The following DIP2B variants were observed in gnomAD, a reference collection of about 807,000 sequenced individuals.
The protein encoded by DIP2B is DIP2 acetate--CoA ligase B (putative).
A neutral mutation model predicts 198.0 loss-of-function variants in DIP2B; 76 were observed. The observed-to-expected ratio is 0.38, with a 90% CI of 0.32 to 0.46. DIP2B has a LOEUF of 0.46. Among genes scored for constraint, DIP2B ranks in the 20% least tolerant of loss-of-function variants. DIP2B has a pLI of 0.99. For synonymous variants in DIP2B, 701 were observed against 739.1 expected (o/e 0.95, Z 0.84); for missense variants, 1,559 against 1,978.4 (o/e 0.79, Z 4.02).
chr12:50,519,433 G>A (rs1055086399), intron 1 of DIP2B, among the ~76,000 whole-genome samples: 17 of 152,128 alleles, frequency 1.1e-4, no homozygotes, highest in African/African-American at 4.1e-4. Context: ...TGAAAAATAT[G>A]AAGTGCATCT....
At chr12:50,726,391 T>C (rs7308872) in intron 28 of DIP2B, among the ~76,000 whole-genome samples, 92,915 of 151,910 alleles carry the variant, frequency 0.61, 28,571 homozygotes, top group South Asian at 0.69. Context: ...CACTCTGTCA[T>C]CCAGGCTGGA....
chr12:50,628,928 G>T (rs1476200713), intron 2 of DIP2B, among the ~76,000 whole-genome samples: 3 of 152,106 alleles, frequency 2.0e-5, no homozygotes, highest in African/African-American at 4.8e-5. Context: ...GCCCAGGCTG[G>T]AGTGCAGTGG....
chr12:50,602,549 G>A (rs527585558), intron 1 of DIP2B, among the ~76,000 whole-genome samples: 1 of 152,212 alleles, frequency 6.6e-6, no homozygotes, highest in Non-Finnish European at 1.5e-5. Flanking sequence ...GAGCCACTAA[G>A]TCCAGCCTAA....
At chr12:50,643,400 T>G in intron 3 of DIP2B, among the ~76,000 whole-genome samples, 1 of 138,984 alleles carries the variant, frequency 7.2e-6, no homozygotes, top group African/African-American at 2.7e-5. Context: ...TCACTGGGAG[T>G]TTTTCTGTGT....
intron 1 of DIP2B, among the ~76,000 whole-genome samples, chr12:50,550,861 C>T (rs753009680): frequency 4.6e-5 from 7 of 152,110 alleles, no homozygotes; most frequent in African/African-American, 7.2e-5. Flanking sequence ...CAGTGGCTCA[C>T]GTTTATAATC....
rs1958176214 is a variant in DIP2B, at chr12:50,527,354, T to C, written c.100+22114T>C. On this transcript the variant is annotated intron_variant, in intron 1 of 37. Transcript: ENST00000301180. ...CTACCCACGTTATCTCAGGTCTCTT[T>C]GACTACCTATATCTAAGGTACTGTT... is the stretch of plus-strand genomic sequence containing the variant. 2.0e-5 allele frequency among the ~76,000 whole-genome samples: 3 copies of C among 152,354 alleles called. No homozygotes were observed. The South Asian group carries it at 6.2e-4, about 32-fold the overall frequency.
intron 1 of DIP2B, among the ~76,000 whole-genome samples, chr12:50,571,548 GTT>G (rs71083600): frequency 0.043 from 3,650 of 85,462 alleles, 74 homozygotes; most frequent in African/African-American, 0.17. Flanking sequence ...AAACCTAGGC[GTT>G]TTTTTTTTTT....
chr12:50,558,615 T>G (rs952018905), intron 1 of DIP2B, among the ~76,000 whole-genome samples: 5 of 152,208 alleles, frequency 3.3e-5, no homozygotes, highest in African/African-American at 1.2e-4. Flanking sequence ...GATGGTAGAA[T>G]GAATATCTCT....
chr12:50,629,129 G>A (rs1001072081), intron 2 of DIP2B, among the ~76,000 whole-genome samples: 1 of 152,066 alleles, frequency 6.6e-6, no homozygotes, highest in Non-Finnish European at 1.5e-5. Flanking sequence ...CAATCCACCC[G>A]TCTCGGCCTC....
intron 1 of DIP2B, among the ~76,000 whole-genome samples, chr12:50,605,682 A>G (rs993051780): frequency 6.6e-6 from 1 of 152,200 alleles, no homozygotes; most frequent in African/African-American, 2.4e-5. Flanking sequence ...TATTTGATAT[A>G]AATGGAGTCA....
rs1593570394 is a variant in DIP2B, at chr12:50,515,713, A to G, written c.100+10473A>G. Among the ~76,000 whole-genome samples, 7 of 152,296 alleles carry G rather than the reference A, an allele frequency of 4.6e-5. 1 individual carries two copies. Among genetic ancestry groups the G allele is most frequent in the Admixed American group, 4.6e-4 (7 of 15,290 alleles). Reference sequence around the variant, plus strand: ...CCTCACTTTACATACAGAGATAAGTAATCTTATCTGTGCCCAGGGCTTCAG... The same window carrying G: ...CCTCACTTTACATACAGAGATAAGTGATCTTATCTGTGCCCAGGGCTTCAG... On this transcript the variant is annotated intron_variant, in intron 1 of 37. Coordinates refer to ENST00000301180, the MANE Select transcript of DIP2B (RefSeq NM_173602.3).
intron 3 of DIP2B, among the ~76,000 whole-genome samples, chr12:50,656,629 T>C (rs1938559040): frequency 6.6e-6 from 1 of 152,234 alleles, no homozygotes; most frequent in African/African-American, 2.4e-5. Context: ...GGGAGTGCAG[T>C]GGCACAATCT....
At position 50,537,114 on chromosome 12, in the gene DIP2B, A is replaced by ATTTTTTTTTTTTTTTTTTTTTT. The variant is rs34202995; in HGVS notation, c.100+31880_100+31901dup. 2.5e-3 allele frequency among the ~76,000 whole-genome samples: 80 copies of ATTTTTTTTTTTTTTTTTTTTTT among 32,224 alleles called. 23 individuals carry two copies. Among genetic ancestry groups the ATTTTTTTTTTTTTTTTTTTTTT allele is most frequent in the East Asian group, 0.021 (10 of 468 alleles). 21.1% of individuals were successfully genotyped at this position (32,224 alleles called of 152,430 possible). On this transcript the variant is annotated intron_variant, in intron 1 of 37. Transcript: ENST00000301180. ...CAGATTGCTTGTTTATTATTCTCTAATTTTTTTTTTTTTTTTTTTTTTTTT... is the reference window on the plus strand; with the variant it reads ...CAGATTGCTTGTTTATTATTCTCTAATTTTTTTTTTTTTTTTTTTTTTTTTTTTTTTTTTTTTTTTTTTTTTT...
At position 50,674,563 on chromosome 12, in the gene DIP2B, C is replaced by T. The variant is rs374561975; in HGVS notation, c.730C>T (p.Pro244Ser). ...TCGCCCAGCAAACATTGACCTGCCCCCCTCGGGGATAGTTAAAGGCATGCA... is the reference window on the plus strand; with the variant it reads ...TCGCCCAGCAAACATTGACCTGCCCTCCTCGGGGATAGTTAAAGGCATGCA... ...SIRPANIDLP[P>S]SGIVKGMHKG... Residue 244 changes from proline to serine, a missense_variant, in exon 6 of 38, where the codon CCC (proline) becomes TCC (serine). Physicochemically the swap from Pro to Ser is moderately conservative, Grantham distance 74. Coordinates refer to ENST00000301180, the MANE Select transcript of DIP2B (RefSeq NM_173602.3). 4 of 1,614,246 alleles carry T rather than the reference C, an allele frequency of 2.5e-6. No homozygotes were observed. In the East Asian group the frequency reaches 6.7e-5, roughly 27 times the overall value.
At chr12:50,589,810 C>G (rs1958803366) in intron 1 of DIP2B, among the ~76,000 whole-genome samples, 1 of 152,032 alleles carries the variant, frequency 6.6e-6, no homozygotes, top group African/African-American at 2.4e-5. Flanking sequence ...TTAGGACCAT[C>G]AGGAAGAAAA....
At chr12:50,513,366 T>G (rs1387918709) in intron 1 of DIP2B, among the ~76,000 whole-genome samples, 1 of 152,190 alleles carries the variant, frequency 6.6e-6, no homozygotes, top group Non-Finnish European at 1.5e-5. Context: ...GCTGGTCTGT[T>G]TCATACAGAC....
chr12:50,650,027 G>T (rs1000151884), intron 3 of DIP2B, among the ~76,000 whole-genome samples: 1 of 152,104 alleles, frequency 6.6e-6, no homozygotes, highest in Non-Finnish European at 1.5e-5. Context: ...TGGCCAACAT[G>T]ATGAAACCGC....
intron 6 of DIP2B, among the ~76,000 whole-genome samples, 193 bp downstream of exon 6, chr12:50,674,822 A>G (rs964132782): frequency 6.6e-6 from 1 of 152,238 alleles, no homozygotes; most frequent in Non-Finnish European, 1.5e-5. Flanking sequence ...AACTTAGTGG[A>G]TACTTCCAGA....
chr12:50,607,573 TA>T (rs1201898364), intron 1 of DIP2B, among the ~76,000 whole-genome samples: 1 of 152,232 alleles, frequency 6.6e-6, no homozygotes, highest in Non-Finnish European at 1.5e-5. Flanking sequence ...ATCAGCTATA[TA>T]TTCAGTGGTT....
Sources: gnomAD v4.1 joint callset for allele counts (sites outside exome capture counted in the v4.1 genomes callset) on GRCh38, gnomAD v4.1.1 for gene constraint, MANE v1.5 for transcripts, NCBI Gene and HGNC (gene_info 2026-07-23, HGNC 2026-07-21) for gene names.